Variants in SP1 observed in about 807,000 individuals in gnomAD.
The protein encoded by SP1 is transcription factor Sp1.
In SP1, 6 loss-of-function variants were observed where a neutral mutation model predicts 66.3. That is an observed-to-expected ratio of 0.09 (90% confidence interval 0.05 to 0.18). The LOEUF is 0.18. Among genes scored for constraint, SP1 ranks in the 10% least tolerant of loss-of-function variants. SP1 has a pLI of 1.00. For synonymous variants in SP1, 417 were observed against 360.8 expected, an observed-to-expected ratio of 1.16 and a Z score of -1.77; for missense variants, 848 against 964.5, an observed-to-expected ratio of 0.88 and a Z score of 1.60.
chr12:53,409,618 A>G, intron 5 of SP1, 57 bp downstream of exon 5: 1 of 1,351,852 alleles, frequency 7.4e-7, no homozygotes, highest in East Asian at 2.3e-5. Context: ...AAAAACACAA[A>G]ATATACCTAC....
In SP1 at chr12:53,409,355, C is replaced by T. The variant is rs367545252; in HGVS notation, c.1845-7C>T. The T allele has an allele frequency of 5.6e-6, 9 of 1,612,216 alleles. No individual in the cohort carries two copies. In the African/African-American group the frequency reaches 1.2e-4, roughly 22 times the overall value. The stretch of plus-strand genomic sequence containing the variant: ...TGAATGATTAACAGTTGTGTCCTCA[C>T]TTTCAGGGGCTCGGGGGATCCTGGC... On this transcript the variant is annotated splice_polypyrimidine_tract_variant and splice_region_variant and intron_variant, in intron 4 of 5. Coordinates refer to ENST00000327443, the MANE Select transcript of SP1 (RefSeq NM_138473.3).
chr12:53,391,982 A>C (rs1163872693), intron 3 of SP1, among the ~76,000 whole-genome samples: 1 of 151,990 alleles, frequency 6.6e-6, no homozygotes, highest in Admixed American at 6.6e-5. Flanking sequence ...AAAGTTTCTA[A>C]GTGTATCTTT....
Position 53,409,521 on chromosome 12 carries a change from A to G in SP1, c.2004A>G (p.Thr668=). 6.2e-7 allele frequency: 1 copy of G among 1,614,218 alleles called. No individual in the cohort carries two copies. The highest frequency in any genetic ancestry group is 8.5e-7 in the Non-Finnish European group (1 of 1,180,036). Residue 668 remains threonine (T), a synonymous_variant, in exon 5 of 6, where the codon ACA becomes ACG. Coordinates refer to ENST00000327443, the MANE Select transcript of SP1 (RefSeq NM_138473.3). The part of the protein sequence containing the change: ...CTWSYCGKRF[T]RSDELQRHKR... ...GGTCATACTGTGGGAAACGCTTCAC[A>G]CGTTCGGATGAGCTACAGAGGCACA...
chr12:53,409,513 C>T lies in SP1; in HGVS notation c.1996C>T (p.Arg666Cys), dbSNP rs767792727. 4 of 1,614,130 alleles carry T rather than the reference C, an allele frequency of 2.5e-6. No individual in the cohort carries two copies. Among genetic ancestry groups the T allele is most frequent in the South Asian group, 1.1e-5 (1 of 91,082 alleles). ...GTGTACCTGGTCATACTGTGGGAAA[C>T]GCTTCACACGTTCGGATGAGCTACA... ...FMCTWSYCGK[R>C]FTRSDELQRH... Residue 666 changes from arginine to cysteine, a missense_variant, in exon 5 of 6, where the codon CGC becomes TGC. Around this residue, in one of 7 missense-constraint regions of SP1, gnomAD observed 39 missense variants for 124.2 expected, o/e 0.31. Transcript: ENST00000327443.
In SP1 at chr12:53,411,139, G is replaced by A. The variant is rs1320728689; in HGVS notation, c.2257G>A (p.Ala753Thr). Residue 753 changes from alanine (A) to threonine (T), a missense_variant, in exon 6 of 6, where the codon GCC becomes ACC. Coordinates refer to ENST00000327443, the MANE Select transcript of SP1 (RefSeq NM_138473.3). ...TACCACCAATATGGTAGCCATGGAGGCCATCTGTCCAGAGGGCATTGCCCG... is the reference window on the plus strand; with the variant it reads ...TACCACCAATATGGTAGCCATGGAGACCATCTGTCCAGAGGGCATTGCCCG... Reference protein sequence around the residue: ...LITTNMVAMEAICPEGIARLA... With the variant: ...LITTNMVAMETICPEGIARLA... 2 of 1,614,170 alleles carry A rather than the reference G, an allele frequency of 1.2e-6. No individual in the cohort carries two copies. Among genetic ancestry groups the A allele is most frequent in the Non-Finnish European group, 1.7e-6 (2 of 1,180,026 alleles).
intron 3 of SP1, among the ~76,000 whole-genome samples, chr12:53,393,342 A>T (rs1428888785): frequency 6.6e-6 from 1 of 150,930 alleles, no homozygotes; most frequent in Non-Finnish European, 1.5e-5. Context: ...CTTGTTGCCC[A>T]GGCGCGATCT....
chr12:53,383,970 T>G (rs1938167725), intron 3 of SP1, among the ~76,000 whole-genome samples: 1 of 145,728 alleles, frequency 6.9e-6, no homozygotes, highest in Non-Finnish European at 1.5e-5. Context: ...CACATTTTCT[T>G]TTCTTTTTTT....
At chr12:53,384,249 G>T (rs1210088082) in intron 3 of SP1, among the ~76,000 whole-genome samples, 2 of 151,376 alleles carry the variant, frequency 1.3e-5, no homozygotes, top group East Asian at 1.9e-4. Flanking sequence ...GATTACAGGC[G>T]TGAGCCACCG....
chr12:53,382,521 A>C lies in SP1; in HGVS notation c.574A>C (p.Thr192Pro), dbSNP rs559493502. The change falls in exon 3 of 6, where the codon ACT becomes CCT. Residue 192 changes from threonine to proline, a missense_variant. Physicochemically the swap from Thr to Pro is conservative, Grantham distance 38. Transcript: ENST00000327443. ...VDGQQLQFAA[T>P]GAQVQQDGSG... ...TGGGCAACAGCTGCAGTTTGCTGCCACTGGGGCCCAAGTGCAGCAGGATGG... is the reference window on the plus strand; with the variant it reads ...TGGGCAACAGCTGCAGTTTGCTGCCCCTGGGGCCCAAGTGCAGCAGGATGG... 6.2e-7 allele frequency: 1 copy of C among 1,614,162 alleles called. No individual in the cohort carries two copies.
chr12:53,384,199 G>GA (rs1420641993), intron 3 of SP1, among the ~76,000 whole-genome samples: 1 of 152,034 alleles, frequency 6.6e-6, no homozygotes, highest in Non-Finnish European at 1.5e-5. Flanking sequence ...TCGATCTCCT[G>GA]ACCTCGTGAT....
chr12:53,392,887 G>A (rs989356822), intron 3 of SP1, among the ~76,000 whole-genome samples: 6 of 151,808 alleles, frequency 4.0e-5, no homozygotes, highest in Non-Finnish European at 7.4e-5. Flanking sequence ...TGCAGTGGCA[G>A]TATCTCAGCT....
At chr12:53,389,186 C>A (rs373601965) in intron 3 of SP1, among the ~76,000 whole-genome samples, 8 of 141,642 alleles carry the variant, frequency 5.6e-5, no homozygotes, top group East Asian at 4.1e-4. Context: ...TTCACTTAGT[C>A]TGTTTACATT....
Position 53,383,036 on chromosome 12 carries a change from G to A in SP1, c.1089G>A (p.Gln363=). ...GQTPQRVSGL[Q]GSDALNIQQN... Reference sequence around the variant, plus strand: ...CACCCCAGAGGGTCAGTGGGCTACAGGGGTCTGATGCTCTGAACATCCAGC... The same window carrying A: ...CACCCCAGAGGGTCAGTGGGCTACAAGGGTCTGATGCTCTGAACATCCAGC... Residue 363 remains glutamine (Q), a synonymous_variant, in exon 3 of 6, where the codon CAG becomes CAA. Transcript: ENST00000327443. The A allele has an allele frequency of 6.2e-7, 1 of 1,614,194 alleles. No individual in the cohort carries two copies. Among genetic ancestry groups the A allele is most frequent in the Non-Finnish European group, 8.5e-7 (1 of 1,180,036 alleles).
At chr12:53,399,177 C>A (rs1200859498) in intron 3 of SP1, among the ~76,000 whole-genome samples, 2 of 152,016 alleles carry the variant, frequency 1.3e-5, no homozygotes, top group Non-Finnish European at 2.9e-5. Flanking sequence ...CATTTGTTTC[C>A]AAAATTTCAC....
chr12:53,403,998 C>G (rs1475780960), intron 3 of SP1, among the ~76,000 whole-genome samples: 1 of 150,922 alleles, frequency 6.6e-6, no homozygotes, highest in South Asian at 2.1e-4. Flanking sequence ...AGTGAAACCC[C>G]GTCTCTACTA....
intron 5 of SP1, among the ~76,000 whole-genome samples, 187 bp from the exon 6 acceptor site, chr12:53,410,740 G>A (rs1031916836): frequency 6.6e-5 from 10 of 151,970 alleles, no homozygotes; most frequent in East Asian, 1.9e-4. Context: ...TGATCTGCCC[G>A]CCTTGGCCTC....
intron 1 of SP1, 166 bp from the exon 2 acceptor site, chr12:53,381,493 C>G: frequency 1.8e-6 from 1 of 560,672 alleles, no homozygotes. Flanking sequence ...AGTTCATGTC[C>G]TGCATGCCCT....
chr12:53,393,604 T>TC (rs1938405300), intron 3 of SP1, among the ~76,000 whole-genome samples: 1 of 151,210 alleles, frequency 6.6e-6, no homozygotes, highest in African/African-American at 2.4e-5. Flanking sequence ...TTTTTTTTTT[T>TC]TTTCAATTTT....
chr12:53,391,832 C>A (rs893096952), intron 3 of SP1, among the ~76,000 whole-genome samples: 3 of 151,502 alleles, frequency 2.0e-5, no homozygotes, highest in African/African-American at 7.3e-5. Flanking sequence ...CTCCCACTTA[C>A]AAGTGAGAAC....
Sources: allele counts gnomAD v4.1 joint callset (sites outside exome capture counted in the v4.1 genomes callset), GRCh38; gene constraint gnomAD v4.1.1; regional missense constraint gnomAD v4.1.1; transcripts MANE v1.5; gene names NCBI Gene and HGNC (gene_info 2026-07-23, HGNC 2026-07-21).